Variants in GUCY1A2 observed in about 807,000 individuals in gnomAD.
GUCY1A2 encodes guanylate cyclase soluble subunit alpha-2.
Under a neutral mutation model 63.5 loss-of-function variants are expected in GUCY1A2, and 27 were observed. The ratio of observed to expected loss-of-function variants is 0.43; its 90% CI spans 0.31 to 0.59. The LOEUF is 0.59. Ranked by LOEUF, GUCY1A2 falls within the 20% of genes least tolerant of loss-of-function variation. The pLI is 0.11. For missense variants in GUCY1A2, 768 were observed against 913.3 expected, an observed-to-expected ratio of 0.84 and a Z score of 2.05; for synonymous variants, 364 against 343.5, an observed-to-expected ratio of 1.06 and a Z score of -0.66.
intron 4 of GUCY1A2, among the ~76,000 whole-genome samples, chr11:106,887,705 C>T (rs1300680187): frequency 6.6e-6 from 1 of 152,100 alleles, no homozygotes; most frequent in African/African-American, 2.4e-5. Context: ...ACTGGTTCAA[C>T]TTAATTATTT....
chr11:106,711,636 G>A (rs1863120671), intron 6 of GUCY1A2, among the ~76,000 whole-genome samples: 1 of 152,014 alleles, frequency 6.6e-6, no homozygotes, highest in Non-Finnish European at 1.5e-5. Flanking sequence ...CATTTAAAGT[G>A]ACCTTCATTT....
At chr11:106,961,882 T>A (rs1861062542) in intron 3 of GUCY1A2, among the ~76,000 whole-genome samples, 1 of 152,240 alleles carries the variant, frequency 6.6e-6, no homozygotes, top group African/African-American at 2.4e-5. Flanking sequence ...AACCTTGTTC[T>A]AAGTAGAAAT....
intron 3 of GUCY1A2, 108 bp from the exon 4 acceptor site, chr11:106,940,286 G>C: frequency 1.7e-6 from 1 of 593,414 alleles, no homozygotes; most frequent in East Asian, 2.7e-5. Context: ...AGTAACAAAG[G>C]TTATTTCTCT....
intron 4 of GUCY1A2, among the ~76,000 whole-genome samples, chr11:106,845,042 G>A (rs189099357): frequency 2.0e-5 from 3 of 151,644 alleles, no homozygotes; most frequent in Admixed American, 1.3e-4. Context: ...AGTTACCTCC[G>A]GCAATCTCCA....
intron 4 of GUCY1A2, among the ~76,000 whole-genome samples, chr11:106,828,466 A>G (rs1426665464): frequency 6.6e-6 from 1 of 151,866 alleles, no homozygotes; most frequent in African/African-American, 2.4e-5. Context: ...TCCTTTCCCT[A>G]TTGTTTATTT....
intron 4 of GUCY1A2, among the ~76,000 whole-genome samples, chr11:106,848,054 C>T (rs1469587662): frequency 6.6e-6 from 1 of 151,406 alleles, no homozygotes; most frequent in Non-Finnish European, 1.5e-5. Context: ...TCTGTGGGCC[C>T]AATGAAGTTT....
chr11:106,883,743 G>A (rs890880375), intron 4 of GUCY1A2, among the ~76,000 whole-genome samples: 3 of 152,020 alleles, frequency 2.0e-5, no homozygotes, highest in Admixed American at 6.6e-5. Context: ...ATGCCCACTG[G>A]GGTAGAAAAT....
intron 3 of GUCY1A2, among the ~76,000 whole-genome samples, chr11:106,952,400 C>T (rs1463297950): frequency 1.3e-5 from 2 of 151,760 alleles, no homozygotes; most frequent in African/African-American, 2.4e-5. Context: ...TTGTTTATGT[C>T]TTCTCTTATT....
At chr11:107,013,338 G>A (rs969602960) in intron 1 of GUCY1A2, among the ~76,000 whole-genome samples, 6 of 152,116 alleles carry the variant, frequency 3.9e-5, no homozygotes, top group African/African-American at 1.4e-4. Context: ...GCTGACACCA[G>A]CAAACCCAAA....
intron 2 of GUCY1A2, among the ~76,000 whole-genome samples, chr11:106,982,724 G>A (rs554723621): frequency 4.6e-5 from 7 of 152,080 alleles, no homozygotes; most frequent in African/African-American, 1.2e-4. Context: ...AGAATGAAAC[G>A]ATACATACAA....
chr11:106,855,477 C>CT (rs58864167), intron 4 of GUCY1A2, among the ~76,000 whole-genome samples: 38,597 of 151,620 alleles, frequency 0.25, 4,984 homozygotes, highest in African/African-American at 0.31. Context: ...TGTTTTGGTC[C>CT]TTTTTTTTGT....
Position 106,677,911 on chromosome 11 carries a change from G to T in GUCY1A2, c.*9638C>A, listed in dbSNP as rs75186203. The stretch of plus-strand genomic sequence containing the variant: ...GGTAATCATTTGGATTTTAGCAGGA[G>T]AATTTTTTTTAGACAGAATAAAATT... On this transcript the variant is annotated 3_prime_UTR_variant, in exon 8 of 8. Transcript: ENST00000526355. The T allele has an allele frequency of 0.018, 3,559 of 200,510 alleles. 42 individuals carry two copies. Among genetic ancestry groups the T allele is most frequent in the South Asian group, 0.043 (226 of 5,234 alleles). The allele number at this position is 200,510 out of a possible 1,614,324, so 12.4% of individuals were successfully genotyped here.
intron 4 of GUCY1A2, among the ~76,000 whole-genome samples, chr11:106,913,986 C>CAAAAAAAAAAAAAAAAAAAAAAAAA (rs11325847): frequency 1.4e-5 from 1 of 71,226 alleles, no homozygotes; most frequent in South Asian, 5.5e-4. Flanking sequence ...AATGAAAAAG[C>CAAAAAAAAAAAAAAAAAAAAAAAAA]AAAAAAAAAA....
chr11:106,871,131 T>C (rs922496633), intron 4 of GUCY1A2, among the ~76,000 whole-genome samples: 1 of 152,156 alleles, frequency 6.6e-6, no homozygotes, highest in South Asian at 2.1e-4. Flanking sequence ...CTGGAATTTG[T>C]ATAAACTTAG....
intron 5 of GUCY1A2, among the ~76,000 whole-genome samples, chr11:106,785,787 C>T (rs1438417056): frequency 1.3e-5 from 2 of 151,928 alleles, no homozygotes; most frequent in African/African-American, 4.8e-5. Context: ...CATTCACAAG[C>T]TTCAGTTGTT....
chr11:106,802,999 C>A (rs1243294944), intron 5 of GUCY1A2, among the ~76,000 whole-genome samples: 1 of 152,026 alleles, frequency 6.6e-6, no homozygotes, highest in East Asian at 1.9e-4. Context: ...TCGATAGGGA[C>A]AAAAACCTCA....
chr11:107,000,353 C>T (rs1398529640), intron 1 of GUCY1A2, among the ~76,000 whole-genome samples: 1 of 152,032 alleles, frequency 6.6e-6, no homozygotes, highest in Non-Finnish European at 1.5e-5. Flanking sequence ...CTGTCTGAAG[C>T]TTCAAATGGA....
intron 4 of GUCY1A2, among the ~76,000 whole-genome samples, chr11:106,886,044 C>T (rs1284954833): frequency 6.6e-6 from 1 of 152,126 alleles, no homozygotes; most frequent in Non-Finnish European, 1.5e-5. Context: ...ATCTGGCATA[C>T]ACAGTTCATT....
intron 1 of GUCY1A2, among the ~76,000 whole-genome samples, chr11:106,991,623 A>T (rs192358910): frequency 1.1e-3 from 163 of 152,330 alleles, no homozygotes; most frequent in African/African-American, 3.7e-3. Context: ...TAGGCTCTTA[A>T]TTCAAGTATC....
Sources: allele counts gnomAD v4.1 joint callset (sites outside exome capture counted in the v4.1 genomes callset), GRCh38; gene constraint gnomAD v4.1.1; transcripts MANE v1.5; gene names NCBI Gene and HGNC (gene_info 2026-07-23, HGNC 2026-07-21).